BCL2L11: variants seen among roughly 807,000 people sequenced by gnomAD.
BCL2L11 encodes BCL2 like 11, also known as bcl-2-like protein 11.
In BCL2L11, 15 loss-of-function variants were observed where a neutral mutation model predicts 20.6. That is an observed-to-expected ratio of 0.73 (90% CI 0.49 to 1.12). The LOEUF (loss-of-function observed/expected upper bound fraction) is 1.12, where lower values mean the gene tolerates loss of function less well. Ranked by LOEUF, BCL2L11 falls within the 50% of genes most tolerant of loss-of-function variation. BCL2L11 has a pLI of 0.00. For missense variants in BCL2L11, 292 were observed against 260.9 expected (o/e 1.12, Z -0.82); for synonymous variants, 108 against 92.8 (o/e 1.16, Z -0.94).
chr2:111,133,056 A>G, intron 2 of BCL2L11, among the ~76,000 whole-genome samples: 1 of 152,294 alleles, frequency 6.6e-6, no homozygotes, highest in Non-Finnish European at 1.5e-5. Context: ...AACAAAAGAA[A>G]ACAGATTCTT....
intron 1 of BCL2L11, chr2:111,122,595 T>C: frequency 1.0e-6 from 1 of 984,032 alleles, no homozygotes; most frequent in Non-Finnish European, 1.2e-6. Context: ...CGCGGGGAGG[T>C]CGGCGGTGCC....
In BCL2L11 at chr2:111,164,348, G is replaced by T. The variant is rs961546852; in HGVS notation, c.*117G>T. 2.6e-6 allele frequency: 2 copies of T among 756,940 alleles called. No homozygotes were observed. Among genetic ancestry groups the T allele is most frequent in the South Asian group, 1.5e-5 (1 of 66,390 alleles). 46.9% of individuals were successfully genotyped at this position (756,940 alleles called of 1,614,324 possible). On this transcript the variant is annotated 3_prime_UTR_variant, in exon 4 of 4. Transcript: ENST00000393256. ...TGCAGCCAGCGGTTCTCTTGTGGAG[G>T]GGGCAGGTGACGTTTCAGAAGACAC...
chr2:111,146,819 G>T (rs1344917167), intron 2 of BCL2L11, among the ~76,000 whole-genome samples: 2 of 152,076 alleles, frequency 1.3e-5, no homozygotes, highest in African/African-American at 4.8e-5. Context: ...TAAAATACAG[G>T]AATAAATAAG....
chr2:111,126,929 C>T (rs2072752430), intron 2 of BCL2L11, among the ~76,000 whole-genome samples: 1 of 152,040 alleles, frequency 6.6e-6, no homozygotes, highest in Admixed American at 6.5e-5. Flanking sequence ...TTTTGTTTTG[C>T]AAAACTTTGT....
At chr2:111,160,753 TAAAAA>T (rs2078452117) in intron 3 of BCL2L11, among the ~76,000 whole-genome samples, 1 of 152,240 alleles carries the variant, frequency 6.6e-6, no homozygotes, top group Admixed American at 6.5e-5. Flanking sequence ...ATTTGGTCTT[TAAAAA>T]TAATCTCCTT....
intron 3 of BCL2L11, among the ~76,000 whole-genome samples, chr2:111,163,914 C>G (rs1310374863): frequency 1.5e-5 from 2 of 136,058 alleles, no homozygotes; most frequent in East Asian, 2.1e-4. Context: ...ATTGGTATGC[C>G]TGCCCTTTTT....
chr2:111,158,481 T>C (rs1355544469), intron 3 of BCL2L11, among the ~76,000 whole-genome samples: 1 of 152,080 alleles, frequency 6.6e-6, no homozygotes, highest in Non-Finnish European at 1.5e-5. Flanking sequence ...GGAGCAGAGA[T>C]TCCCTCTGTC....
chr2:111,122,378 C>T (rs145972386), intron 1 of BCL2L11, among the ~76,000 whole-genome samples: 2,620 of 152,254 alleles, frequency 0.017, 43 homozygotes, highest in Non-Finnish European at 0.029. Flanking sequence ...GCAGGGTGGC[C>T]GGGCCAGCCG....
intron 2 of BCL2L11, among the ~76,000 whole-genome samples, chr2:111,147,918 A>G (rs752519231): frequency 5.0e-4 from 76 of 152,222 alleles, no homozygotes; most frequent in Admixed American, 1.3e-3. Flanking sequence ...GGAGCAGGGC[A>G]TGGCCTCCTT....
At chr2:111,122,648 G>A (rs2071355700) in intron 1 of BCL2L11, 3 of 983,964 alleles carry the variant, frequency 3.0e-6, no homozygotes, top group South Asian at 9.0e-5. Flanking sequence ...GCGGGAGGAG[G>A]CGGAGGATGT....
At chr2:111,132,062 T>C (rs1467836633) in intron 2 of BCL2L11, 4 of 152,182 alleles carry the variant, frequency 2.6e-5, no homozygotes, top group African/African-American at 4.8e-5. Flanking sequence ...CCAATCTGGC[T>C]CTTACAGTCT....
chr2:111,154,015 C>G (rs758295102), intron 3 of BCL2L11: 20 of 1,204,384 alleles, frequency 1.7e-5, no homozygotes, highest in Non-Finnish European at 2.0e-5. Context: ...CGGAGTTTTA[C>G]TACTCCAGTG....
Position 111,142,457 on chromosome 2 carries a change from G to A in BCL2L11, c.395-7587G>A, listed in dbSNP as rs2075973225. On this transcript the variant is annotated intron_variant, in intron 2 of 3. Coordinates refer to ENST00000393256, the MANE Select transcript of BCL2L11 (RefSeq NM_138621.5). ...AGCAGCTGCCTTTTGTGACTTTTAA[G>A]TGAGAAGCTTTCATTATGTCTTAGC... is the stretch of plus-strand genomic sequence containing the variant. 23 of 1,259,312 alleles carry A rather than the reference G, an allele frequency of 1.8e-5. No individual in the cohort carries two copies. In the South Asian group the frequency reaches 3.0e-4, roughly 16 times the overall value. 78.0% of individuals were successfully genotyped at this position (1,259,312 alleles called of 1,614,324 possible).
chr2:111,147,346 TCACACACACACACACACACACA>T (rs70962921), intron 2 of BCL2L11, among the ~76,000 whole-genome samples: 6 of 137,332 alleles, frequency 4.4e-5, no homozygotes, highest in Non-Finnish European at 7.7e-5. Context: ...TCTCTCTCTC[TCACACACACACACACACACACA>T]CACACACACA....
At chr2:111,148,102 T>G (rs888912322) in intron 2 of BCL2L11, among the ~76,000 whole-genome samples, 14 of 152,228 alleles carry the variant, frequency 9.2e-5, no homozygotes, top group African/African-American at 3.1e-4. Flanking sequence ...GATGTCCTTT[T>G]GATAATTGGT....
In BCL2L11 at chr2:111,164,378, C is replaced by A; in HGVS notation, c.*147C>A. 3.2e-6 allele frequency: 2 copies of A among 618,502 alleles called. No homozygotes were observed. Among genetic ancestry groups the A allele is most frequent in the South Asian group, 1.9e-5 (1 of 52,498 alleles). The allele number at this position is 618,502 out of a possible 1,614,324, so 38.3% of individuals were successfully genotyped here. Reference sequence around the variant, plus strand: ...AGGTGACGTTTCAGAAGACACCGAGCTGGATGGGACTACCTTTCTGTTCAT... The same window carrying A: ...AGGTGACGTTTCAGAAGACACCGAGATGGATGGGACTACCTTTCTGTTCAT... On this transcript the variant is annotated 3_prime_UTR_variant, in exon 4 of 4. Coordinates refer to ENST00000393256, the MANE Select transcript of BCL2L11 (RefSeq NM_138621.5).
At chr2:111,144,386 C>T in intron 2 of BCL2L11, 1 of 1,283,386 alleles carries the variant, frequency 7.8e-7, no homozygotes, top group Non-Finnish European at 1.1e-6. Flanking sequence ...TGGTTACTTG[C>T]TTATTTTATT....
intron 1 of BCL2L11, 178 bp from the exon 2 acceptor site, chr2:111,123,555 A>C (rs192736706): frequency 1.2e-4 from 122 of 980,250 alleles, no homozygotes; most frequent in Admixed American, 6.1e-5. Context: ...ACCAAAAAAA[A>C]ATTACACCTT....
intron 3 of BCL2L11, among the ~76,000 whole-genome samples, chr2:111,158,408 C>G (rs1202240909): frequency 6.6e-6 from 1 of 152,156 alleles, no homozygotes; most frequent in African/African-American, 2.4e-5. Flanking sequence ...CAGGCCCTCT[C>G]TTCTGCAGCC....
Sources: allele counts gnomAD v4.1 joint callset (sites outside exome capture counted in the v4.1 genomes callset), GRCh38; gene constraint gnomAD v4.1.1; transcripts MANE v1.5; gene names NCBI Gene and HGNC (gene_info 2026-07-23, HGNC 2026-07-21).